CERS4: variants seen among roughly 807,000 people sequenced by gnomAD.
CERS4 encodes LAG1 homolog, ceramide synthase 4.
CERS4 carries 65 observed loss-of-function variants against 51.8 expected under a neutral mutation model. The observed-to-expected ratio is 1.26, with a 90% CI of 1.03 to 1.54. CERS4 has a LOEUF of 1.54. Among genes scored for constraint, CERS4 ranks in the 40% most tolerant of loss-of-function variants. The pLI is 0.00. For synonymous variants in CERS4, 228 were observed against 208.4 expected, an observed-to-expected ratio of 1.09 and a Z score of -0.81; for missense variants, 563 against 500.4, an observed-to-expected ratio of 1.13 and a Z score of -1.19.
intron 2 of CERS4, among the ~76,000 whole-genome samples, chr19:8,232,996 C>T (rs1006739565): frequency 6.6e-6 from 1 of 150,662 alleles, no homozygotes; most frequent in African/African-American, 2.5e-5. Flanking sequence ...CCTTGACTTC[C>T]CAAAGTGCTG....
chr19:8,260,181 G>A (rs1443641608), intron 10 of CERS4, among the ~76,000 whole-genome samples: 2 of 151,900 alleles, frequency 1.3e-5, no homozygotes, highest in Non-Finnish European at 2.9e-5. Flanking sequence ...TGGGGGGTAG[G>A]AGAAACACAG....
At chr19:8,213,784 A>G (rs2044360332) in intron 2 of CERS4, among the ~76,000 whole-genome samples, 1 of 151,996 alleles carries the variant, frequency 6.6e-6, no homozygotes. Flanking sequence ...TGGCCAATAT[A>G]GTGAAACCCC....
chr19:8,221,349 G>A (rs908104973), intron 2 of CERS4, among the ~76,000 whole-genome samples: 2 of 152,024 alleles, frequency 1.3e-5, no homozygotes, highest in Non-Finnish European at 2.9e-5. Context: ...GGCCTGGGCT[G>A]GCAGCCTTGC....
At chr19:8,211,517 C>T (rs903474313) in intron 2 of CERS4, among the ~76,000 whole-genome samples, 2 of 152,228 alleles carry the variant, frequency 1.3e-5, no homozygotes, top group Non-Finnish European at 2.9e-5. Context: ...GAGCTGAACA[C>T]AGTGCCTGGC....
intron 2 of CERS4, among the ~76,000 whole-genome samples, chr19:8,248,630 A>C (rs1240688233): frequency 6.7e-6 from 1 of 149,326 alleles, no homozygotes; most frequent in Non-Finnish European, 1.5e-5. Context: ...GCAGGTGGAC[A>C]GATGTTTGGA....
intron 2 of CERS4, among the ~76,000 whole-genome samples, chr19:8,232,498 G>A (rs780008031): frequency 4.3e-4 from 65 of 151,658 alleles, no homozygotes; most frequent in Non-Finnish European, 7.8e-4. Context: ...CTCCATGTTG[G>A]TCAGGCTGAT....
chr19:8,212,624 TG>T (rs1967123817), intron 2 of CERS4, among the ~76,000 whole-genome samples: 1 of 150,862 alleles, frequency 6.6e-6, no homozygotes, highest in Non-Finnish European at 1.5e-5. Context: ...GGCATCTTAC[TG>T]TTTTTTTAAT....
intron 3 of CERS4, among the ~76,000 whole-genome samples, chr19:8,252,935 T>C (rs1247999835): frequency 6.6e-6 from 1 of 152,162 alleles, no homozygotes; most frequent in African/African-American, 2.4e-5. Context: ...TGGGCATGTC[T>C]CTGAGCCTCA....
Position 8,256,282 on chromosome 19 carries a change from A to C in CERS4, c.515A>C (p.Asn172Thr), listed in dbSNP as rs751241770. 2 of 1,613,634 alleles carry C rather than the reference A, an allele frequency of 1.2e-6. No individual in the cohort carries two copies. Among genetic ancestry groups the C allele is most frequent in the East Asian group, 2.2e-5 (1 of 44,874 alleles). ...APVMCWDRYP[N>T]QTLKPSLYWW... ...GTAATGTGCTGGGACAGGTACCCAAACCAGGTGAGTGGCAGAGTGTGTGTG... is the reference window on the plus strand; with the variant it reads ...GTAATGTGCTGGGACAGGTACCCAACCCAGGTGAGTGGCAGAGTGTGTGTG... Residue 172 changes from asparagine to threonine, a missense_variant, in exon 7 of 12, where the codon AAC (asparagine) becomes ACC (threonine). Transcript: ENST00000251363.
At chr19:8,220,818 T>TG (rs1001399458) in intron 2 of CERS4, among the ~76,000 whole-genome samples, 6 of 84,032 alleles carry the variant, frequency 7.1e-5, no homozygotes, top group African/African-American at 1.2e-4. Flanking sequence ...CTGTTTTGTG[T>TG]TTTTTTTTTT....
At chr19:8,221,765 A>T (rs1967553328) in intron 2 of CERS4, among the ~76,000 whole-genome samples, 1 of 150,752 alleles carries the variant, frequency 6.6e-6, no homozygotes, top group African/African-American at 2.4e-5. Context: ...ACCTCAAGTG[A>T]TCCGCCCTCC....
intron 10 of CERS4, among the ~76,000 whole-genome samples, chr19:8,260,202 CAGT>C (rs1462387097): frequency 6.6e-6 from 1 of 151,750 alleles, no homozygotes; most frequent in East Asian, 1.9e-4. Flanking sequence ...CAGCTACAGC[CAGT>C]ACTTTTTGAG....
At chr19:8,243,717 CTTCATGGATT>C (rs2145256855) in intron 2 of CERS4, among the ~76,000 whole-genome samples, 1 of 151,042 alleles carries the variant, frequency 6.6e-6, no homozygotes, top group Non-Finnish European at 1.5e-5. Context: ...TTCCATCCAT[CTTCATGGATT>C]TCAACAGCAG....
intron 2 of CERS4, among the ~76,000 whole-genome samples, chr19:8,226,344 A>T (rs1319715670): frequency 6.6e-6 from 1 of 152,128 alleles, no homozygotes; most frequent in Non-Finnish European, 1.5e-5. Flanking sequence ...GTGCCTTAGG[A>T]TAATCCTGGT....
At chr19:8,228,881 G>A (rs1460944851) in intron 2 of CERS4, among the ~76,000 whole-genome samples, 1 of 150,856 alleles carries the variant, frequency 6.6e-6, no homozygotes. Context: ...GAAATTAGCT[G>A]GGCATAGGGG....
intron 2 of CERS4, chr19:8,239,276 GTCA>G (rs1968413968): frequency 6.6e-6 from 1 of 151,698 alleles, no homozygotes; most frequent in African/African-American, 2.4e-5. Flanking sequence ...GCAAACACCT[GTCA>G]TCCTAGTTAT....
intron 2 of CERS4, among the ~76,000 whole-genome samples, chr19:8,219,061 G>T (rs1034317926): frequency 2.0e-5 from 3 of 151,994 alleles, no homozygotes; most frequent in Admixed American, 2.0e-4. Flanking sequence ...ACAAAAATTA[G>T]CTGGGCATGG....
At chr19:8,213,047 TTTG>T (rs1293696572) in intron 2 of CERS4, among the ~76,000 whole-genome samples, 2 of 151,714 alleles carry the variant, frequency 1.3e-5, no homozygotes, top group Admixed American at 1.3e-4. Context: ...TTGTTTTTGT[TTTG>T]TTTTTTCAAG....
intron 2 of CERS4, among the ~76,000 whole-genome samples, chr19:8,224,766 C>T (rs919007920): frequency 6.6e-6 from 1 of 152,022 alleles, no homozygotes; most frequent in Non-Finnish European, 1.5e-5. Context: ...CCGTGGAAAT[C>T]GGGCAGAGGA....
Sources: allele counts gnomAD v4.1 joint callset (sites outside exome capture counted in the v4.1 genomes callset), GRCh38; gene constraint gnomAD v4.1.1; transcripts MANE v1.5; gene names NCBI Gene and HGNC (gene_info 2026-07-23, HGNC 2026-07-21).